Variants in FGD5 observed in about 807,000 individuals in gnomAD.
FGD5 encodes FYVE, RhoGEF and PH domain containing 5.
In FGD5, 28 loss-of-function variants were observed where a neutral mutation model predicts 133.4. The ratio of observed to expected loss-of-function variants is 0.21; its 90% CI spans 0.16 to 0.29. The LOEUF is 0.29. Ranked by LOEUF, FGD5 falls within the 10% of genes least tolerant of loss-of-function variation. The probability of loss-of-function intolerance (pLI) is 1.00; values close to 1 mark genes in which losing one functional copy is unlikely to be tolerated. For missense variants in FGD5, 1,858 were observed against 1,895.2 expected (o/e 0.98, Z 0.36); for synonymous variants, 810 against 776.5 (o/e 1.04, Z -0.72).
intron 13 of FGD5, 94 bp downstream of exon 13, chr3:14,918,927 G>A: frequency 7.3e-7 from 1 of 1,373,418 alleles, no homozygotes; most frequent in Admixed American, 1.8e-5. Context: ...TTTTTATTTT[G>A]GTATCCTTCT....
At chr3:14,854,767 G>C (rs1446362376) in intron 1 of FGD5, among the ~76,000 whole-genome samples, 1 of 152,032 alleles carries the variant, frequency 6.6e-6, no homozygotes, top group Non-Finnish European at 1.5e-5. Flanking sequence ...ATATTCATTA[G>C]GTCCATAGTG....
At chr3:14,854,354 C>T (rs2037228796) in intron 1 of FGD5, among the ~76,000 whole-genome samples, 2 of 152,044 alleles carry the variant, frequency 1.3e-5, no homozygotes, top group Admixed American at 1.3e-4. Context: ...CAGGGTACAA[C>T]AGACCACTGG....
At chr3:14,852,010 A>G (rs1350030703) in intron 1 of FGD5, among the ~76,000 whole-genome samples, 1 of 152,200 alleles carries the variant, frequency 6.6e-6, no homozygotes, top group Non-Finnish European at 1.5e-5. Context: ...GGAATGTGGA[A>G]TGATACAGCC....
At chr3:14,851,595 A>T (rs2037166284) in intron 1 of FGD5, among the ~76,000 whole-genome samples, 1 of 152,150 alleles carries the variant, frequency 6.6e-6, no homozygotes, top group Admixed American at 6.5e-5. Flanking sequence ...TGTCCCAAAG[A>T]CAGAGCCTGA....
Position 14,821,100 on chromosome 3 carries a change from T to C in FGD5, c.2029T>C (p.Ser677Pro), listed in dbSNP as rs997667257. 3.1e-6 allele frequency: 5 copies of C among 1,613,816 alleles called. No homozygotes were observed. The highest frequency in any genetic ancestry group is 1.3e-5 in the African/African-American group (1 of 74,888). The change falls in exon 1 of 20, where the codon TCC (serine) becomes CCC (proline). Residue 677 changes from serine (S) to proline (P), a missense_variant. Coordinates refer to ENST00000285046, the MANE Select transcript of FGD5 (RefSeq NM_152536.4). The part of the protein sequence containing the change: ...NKLHVDVNVS[S>P]SRSSSESSYH... ...ATTGCATGTGGATGTGAACGTGTCT[T>C]CCTCTAGGTCCTCTTCAGAGTCCAG... is the stretch of plus-strand genomic sequence containing the variant.
chr3:14,893,757 T>C (rs536750031), intron 4 of FGD5, among the ~76,000 whole-genome samples: 13 of 135,572 alleles, frequency 9.6e-5, no homozygotes, highest in East Asian at 8.3e-4. Flanking sequence ...TTTTTCTTTT[T>C]TTTTTTTTTT....
rs527999565 is a variant in FGD5, at chr3:14,902,049, A to ATCACTT, written c.3264+988_3264+989insTCACTT. 1.6e-4 allele frequency among the ~76,000 whole-genome samples: 25 copies of ATCACTT among 152,238 alleles called. No homozygotes were observed. The East Asian group carries it at 4.6e-3, about 28-fold the overall frequency. ...GTAATCCCAGCACTTTGGGAGGCCG[A>ATCACTT]GGCAGGTGGATCACTTGAGGTCAGG... On this transcript the variant is annotated intron_variant, in intron 9 of 19. Transcript: ENST00000285046.
intron 2 of FGD5, 70 bp downstream of exon 2, chr3:14,864,330 G>A: frequency 1.2e-6 from 2 of 1,605,962 alleles, no homozygotes; most frequent in South Asian, 1.1e-5. Context: ...TAACAGATCT[G>A]CTCCTTCCCT....
chr3:14,892,035 G>A (rs915785974), intron 4 of FGD5, among the ~76,000 whole-genome samples: 2 of 149,870 alleles, frequency 1.3e-5, no homozygotes, highest in African/African-American at 4.9e-5. Flanking sequence ...CCACCTCCCT[G>A]TCCTCTTTTC....
At chr3:14,891,712 G>GAGTT (rs2038030823) in intron 4 of FGD5, among the ~76,000 whole-genome samples, 1 of 152,222 alleles carries the variant, frequency 6.6e-6, no homozygotes. Flanking sequence ...AGGACAGGAT[G>GAGTT]AGTTGTTCAG....
At chr3:14,848,406 C>T (rs1329173581) in intron 1 of FGD5, among the ~76,000 whole-genome samples, 2 of 151,886 alleles carry the variant, frequency 1.3e-5, no homozygotes, top group Non-Finnish European at 2.9e-5. Context: ...TCACTGCCCC[C>T]ATCTGTTAAG....
chr3:14,848,609 T>C (rs1260359065), intron 1 of FGD5, among the ~76,000 whole-genome samples: 2 of 152,210 alleles, frequency 1.3e-5, no homozygotes, highest in Admixed American at 1.3e-4. Context: ...TAAAATCTTG[T>C]AAGAAATGGG....
chr3:14,921,570 T>C, intron 13 of FGD5: 1 of 264,586 alleles, frequency 3.8e-6, no homozygotes, highest in East Asian at 7.8e-5. Context: ...CCAGCCCGTT[T>C]CTCCTGAAGT....
At position 14,922,046 on chromosome 3, in the gene FGD5, A is replaced by G; in HGVS notation, c.3669+29A>G. 6.5e-7 allele frequency: 1 copy of G among 1,550,104 alleles called. No homozygotes were observed. The highest frequency in any genetic ancestry group is 8.7e-7 in the Non-Finnish European group (1 of 1,145,792). On this transcript the variant is annotated intron_variant, in intron 14 of 19. Coordinates refer to ENST00000285046, the MANE Select transcript of FGD5 (RefSeq NM_152536.4). This position sits in a 1 kb window ranked among gnomAD's most constrained non-coding sequence, Gnocchi z 4.1. Reference sequence around the variant, plus strand: ...AGTGGGTGGGCAGGGCCCACGGGCCACCAGCTTCAGAGACCTGGGGTTCCC... The same window carrying G: ...AGTGGGTGGGCAGGGCCCACGGGCCGCCAGCTTCAGAGACCTGGGGTTCCC...
chr3:14,880,556 C>G lies in FGD5; in HGVS notation c.2659-16C>G, dbSNP rs1199846531. 6.8e-6 allele frequency: 11 copies of G among 1,612,748 alleles called. No individual in the cohort carries two copies. Among genetic ancestry groups the G allele is most frequent in the East Asian group, 2.2e-5 (1 of 44,854 alleles). On this transcript the variant is annotated splice_polypyrimidine_tract_variant and intron_variant, in intron 2 of 19. Coordinates refer to ENST00000285046, the MANE Select transcript of FGD5 (RefSeq NM_152536.4). ...CTGATGCCTGTCCCACCTGATTGCT[C>G]TCTTTCCTCCCACAGGTGGAAGGAC...
rs577638746 is a variant in FGD5 at position 14,886,228 on chromosome 3, T to C, written c.2748+5456T>C. 4.7e-4 allele frequency among the ~76,000 whole-genome samples: 72 copies of C among 152,314 alleles called. 2 individuals carry two copies. The highest frequency in any genetic ancestry group is 3.1e-4 in the Non-Finnish European group (21 of 68,024). On this transcript the variant is annotated intron_variant, in intron 4 of 19. Coordinates refer to ENST00000285046, the MANE Select transcript of FGD5 (RefSeq NM_152536.4). Reference sequence around the variant, plus strand: ...AGAAAGGTAGAAAAGCAACAGGTCATGTCTCCCAGCTGGGTTAGTCCCCTG... The same window carrying C: ...AGAAAGGTAGAAAAGCAACAGGTCACGTCTCCCAGCTGGGTTAGTCCCCTG...
At chr3:14,884,225 C>G (rs1042958238) in intron 4 of FGD5, among the ~76,000 whole-genome samples, 18 of 152,296 alleles carry the variant, frequency 1.2e-4, no homozygotes, top group Middle Eastern at 6.8e-3. Context: ...ACAAGTCTCT[C>G]CTAGAGGAAG....
chr3:14,810,805 G>A, upstream of FGD5: 1 of 984,428 alleles, frequency 1.0e-6, no homozygotes, highest in Non-Finnish European at 1.2e-6. Context: ...ACTGGGACCC[G>A]CGGACGGACT....
At chr3:14,813,365 C>T (rs938200427) in intron 1 of FGD5, among the ~76,000 whole-genome samples, 1 of 152,138 alleles carries the variant, frequency 6.6e-6, no homozygotes, top group African/African-American at 2.4e-5. Flanking sequence ...AGTGCCCTGT[C>T]GTGGATCACT....
Sources: allele counts gnomAD v4.1 joint callset (sites outside exome capture counted in the v4.1 genomes callset), GRCh38; gene constraint gnomAD v4.1.1; non-coding constraint Gnocchi (gnomAD v3.1); transcripts MANE v1.5; gene names NCBI Gene and HGNC (gene_info 2026-07-23, HGNC 2026-07-21).